PBX1: variants seen among roughly 807,000 people sequenced by gnomAD.
PBX1 encodes PBX homeobox 1, also known as pre-B-cell leukemia transcription factor 1.
Under a neutral mutation model 53.4 loss-of-function variants are expected in PBX1, and 6 were observed. The observed-to-expected ratio is 0.11, with a 90% CI of 0.06 to 0.22. PBX1 has a LOEUF of 0.22. Ranked by LOEUF, PBX1 falls within the 10% of genes least tolerant of loss-of-function variation. PBX1 has a pLI of 1.00. For missense variants in PBX1, 251 were observed against 551.4 expected (o/e 0.46, Z 5.46); for synonymous variants, 204 against 212.3 (o/e 0.96, Z 0.34).
Position 164,638,323 on chromosome 1 carries a change from C to A in PBX1, c.265+75012C>A, listed in dbSNP as rs571023909. 2.0e-5 allele frequency among the ~76,000 whole-genome samples: 3 copies of A among 152,294 alleles called. No individual in the cohort carries two copies. The East Asian group carries it at 5.8e-4, about 29-fold the overall frequency. On this transcript the variant is annotated intron_variant, in intron 2 of 8. Coordinates refer to ENST00000420696, the MANE Select transcript of PBX1 (RefSeq NM_002585.4). ...GTGAGAGGTAGGAAAACATTATGAA[C>A]CAGGGTGGAAAAATACACAAGTGCA...
At position 164,559,676 on chromosome 1, in the gene PBX1, T is replaced by C. The variant is rs1652877571; in HGVS notation, c.-147T>C. 1 of 555,264 alleles carries C rather than the reference T, an allele frequency of 1.8e-6. No individual in the cohort carries two copies. The highest frequency in any genetic ancestry group is 2.0e-5 in the African/African-American group (1 of 50,420). The allele number at this position is 555,264 out of a possible 1,614,324, so 34.4% of individuals were successfully genotyped here. On this transcript the variant is annotated 5_prime_UTR_variant, in exon 1 of 9. Transcript: ENST00000420696. ...CTAAAGAGGCAAAGGGATTTTTTTT[T>C]TCTTTTGGTCTTCTTTTTTCCCCCT...
intron 2 of PBX1, among the ~76,000 whole-genome samples, chr1:164,629,480 A>G (rs1658269449): frequency 1.3e-5 from 2 of 152,108 alleles, no homozygotes. Context: ...TATTAGTCCT[A>G]AAAGGGAGTC....
At chr1:164,786,619 A>T (rs1668190113) in intron 2 of PBX1, among the ~76,000 whole-genome samples, 1 of 151,710 alleles carries the variant, frequency 6.6e-6, no homozygotes, top group African/African-American at 2.4e-5. Context: ...CCTTCTTTCC[A>T]TTACTATCTG....
At position 164,700,001 on chromosome 1, in the gene PBX1, A is replaced by C. The variant is rs74603745; in HGVS notation, c.266-92493A>C. 9.5e-3 allele frequency among the ~76,000 whole-genome samples: 1,452 copies of C among 152,332 alleles called. 50 individuals carry two copies. Among genetic ancestry groups the C allele is most frequent in the South Asian group, 0.092 (444 of 4,826 alleles). On this transcript the variant is annotated intron_variant, in intron 2 of 8. Transcript: ENST00000420696. Reference sequence around the variant, plus strand: ...AGGAGGGGACTTAATACTGAGAGCCAGGGTGCTCATGGGAAAATAAACCAT... The same window carrying C: ...AGGAGGGGACTTAATACTGAGAGCCCGGGTGCTCATGGGAAAATAAACCAT...
chr1:164,625,950 G>A (rs149680051), intron 2 of PBX1: 19,944 of 1,035,784 alleles, frequency 0.019, 207 homozygotes, highest in South Asian at 0.027. Context: ...GCCAGGAGTC[G>A]GAACTGCCCC....
intron 2 of PBX1, among the ~76,000 whole-genome samples, chr1:164,650,891 TC>T (rs1054602236): frequency 3.3e-5 from 5 of 151,760 alleles, no homozygotes; most frequent in African/African-American, 1.2e-4. Context: ...TCCCTTCTTT[TC>T]CTCCTTGCAG....
At chr1:164,779,011 C>T (rs919806194) in intron 2 of PBX1, among the ~76,000 whole-genome samples, 16 of 151,216 alleles carry the variant, frequency 1.1e-4, no homozygotes, top group Admixed American at 9.9e-4. Context: ...TACCCCATAA[C>T]GTTCATGTGA....
At chr1:164,747,811 G>T (rs1481547980) in intron 2 of PBX1, among the ~76,000 whole-genome samples, 1 of 152,148 alleles carries the variant, frequency 6.6e-6, no homozygotes, top group Non-Finnish European at 1.5e-5. Flanking sequence ...CAGAGGAATT[G>T]TGTCTAGCCC....
chr1:164,666,513 A>G (rs1660815287), intron 2 of PBX1, among the ~76,000 whole-genome samples: 1 of 152,208 alleles, frequency 6.6e-6, no homozygotes, highest in African/African-American at 2.4e-5. Flanking sequence ...TGCTCTAAGA[A>G]GCCTGATAAC....
rs528268978 is a variant in PBX1, at chr1:164,703,732, C to G, written c.266-88762C>G. 1.4e-4 allele frequency among the ~76,000 whole-genome samples: 21 copies of G among 152,248 alleles called. No homozygotes were observed. In the South Asian group the frequency reaches 2.5e-3, roughly 18 times the overall value. ...GCTGGACTCCGTGTGCTGCCTGAAT[C>G]CAGGTGCATGCAGAGATGTTCTCAG... On this transcript the variant is annotated intron_variant, in intron 2 of 8. Coordinates refer to ENST00000420696, the MANE Select transcript of PBX1 (RefSeq NM_002585.4).
chr1:164,817,146 T>C (rs1669914535), intron 6 of PBX1: 1 of 152,210 alleles, frequency 6.6e-6, no homozygotes, highest in Non-Finnish European at 1.5e-5. Context: ...CATCTTAAAA[T>C]GTGCTTCTAA....
In PBX1 at chr1:164,848,618, G is replaced by T. The variant is rs1251291557; in HGVS notation, c.*1942G>T. On this transcript the variant is annotated 3_prime_UTR_variant, in exon 9 of 9. Coordinates refer to ENST00000420696, the MANE Select transcript of PBX1 (RefSeq NM_002585.4). Reference sequence around the variant, plus strand: ...TGGTTTTGGTCTGTCTCTTTTCTTAGGATAAAGAAAAACTTCCAAACTAGA... The same window carrying T: ...TGGTTTTGGTCTGTCTCTTTTCTTATGATAAAGAAAAACTTCCAAACTAGA... 9.5e-7 allele frequency: 1 copy of T among 1,056,834 alleles called. No individual in the cohort carries two copies. The highest frequency in any genetic ancestry group is 1.1e-6 in the Non-Finnish European group (1 of 874,156). The allele number at this position is 1,056,834 out of a possible 1,614,324, so 65.5% of individuals were successfully genotyped here.
intron 2 of PBX1, chr1:164,700,570 C>T (rs954994029): frequency 1.0e-5 from 10 of 985,170 alleles, no homozygotes; most frequent in Admixed American, 6.2e-5. Flanking sequence ...TTGGGGGACA[C>T]GGGAGCAGAC....
chr1:164,882,786 A>G (rs1237277359), intron 2 of PBX1, among the ~76,000 whole-genome samples: 1 of 152,138 alleles, frequency 6.6e-6, no homozygotes, highest in Non-Finnish European at 1.5e-5. Context: ...AAGGAGAGGA[A>G]CAGGTGTACT....
chr1:164,716,748 G>C (rs1386090101), intron 2 of PBX1, among the ~76,000 whole-genome samples: 1 of 139,394 alleles, frequency 7.2e-6, no homozygotes, highest in Non-Finnish European at 1.5e-5. Context: ...ACGAAGAGAA[G>C]AAAAAAAAAG....
Position 164,559,883 on chromosome 1 carries a change from G to A in PBX1, c.61G>A (p.Gly21Ser), listed in dbSNP as rs2275558. ...HAGVGMAGHPGLSQHLQDGAG... is the reference protein window; with the variant it reads ...HAGVGMAGHPSLSQHLQDGAG... ...TGGGGTCGGGATGGCCGGACACCCC[G>A]GCCTGTCCCAGCACTTGCAGGATGG... Residue 21 changes from glycine (G) to serine (S), a missense_variant, in exon 1 of 9, where the codon GGC (glycine) becomes AGC (serine). This residue lies in a region of PBX1 where 63 missense variants were observed against 78.7 expected (regional missense o/e 0.80). Coordinates refer to ENST00000420696, the MANE Select transcript of PBX1 (RefSeq NM_002585.4). The A allele has an allele frequency of 0.24, 367,752 of 1,550,066 alleles. 51,948 individuals carry two copies. The highest frequency in any genetic ancestry group is 0.67 in the East Asian group (27,375 of 40,686).
chr1:164,787,867 T>C (rs1352941727), intron 2 of PBX1: 1 of 152,290 alleles, frequency 6.6e-6, no homozygotes, highest in Non-Finnish European at 1.5e-5. Context: ...AAGGAAACTC[T>C]TTCTGTAAGA....
chr1:164,711,378 C>T (rs1780332), intron 2 of PBX1, among the ~76,000 whole-genome samples: 30,533 of 152,202 alleles, frequency 0.2, 3,348 homozygotes, highest in South Asian at 0.44. Flanking sequence ...ATTCTCCTGC[C>T]TCAGCCTCCC....
At chr1:164,575,014 T>C (rs1009639774) in intron 2 of PBX1, among the ~76,000 whole-genome samples, 1 of 152,190 alleles carries the variant, frequency 6.6e-6, no homozygotes, top group Non-Finnish European at 1.5e-5. Flanking sequence ...GGATCCCATT[T>C]ATAAGGCCAG....
Sources: allele counts gnomAD v4.1 joint callset (sites outside exome capture counted in the v4.1 genomes callset), GRCh38; gene constraint gnomAD v4.1.1; regional missense constraint gnomAD v4.1.1; transcripts MANE v1.5; gene names NCBI Gene and HGNC (gene_info 2026-07-23, HGNC 2026-07-21).